Variants in RMST observed in about 807,000 individuals in gnomAD.
RMST encodes the protein rhabdomyosarcoma 2 associated transcript.
rs1879595567 is a variant in RMST at position 97,513,191 on chromosome 12, G to A, written n.1340+17135G>A. On this transcript the variant is annotated intron_variant and non_coding_transcript_variant, in intron 10 of 13. Coordinates refer to ENST00000640149, the Ensembl canonical transcript of RMST. ...CAGCCCAGAAAGGGGCTCCCACAGTGCAGTGGCAGGCTGAAGGGCTCCTCA... is the reference window on the plus strand; with the variant it reads ...CAGCCCAGAAAGGGGCTCCCACAGTACAGTGGCAGGCTGAAGGGCTCCTCA... 2.6e-5 allele frequency among the ~76,000 whole-genome samples: 4 copies of A among 152,220 alleles called. 1 individual carries two copies. In the South Asian group the frequency reaches 8.3e-4, roughly 32 times the overall value.
intron 10 of RMST, among the ~76,000 whole-genome samples, chr12:97,505,653 G>C (rs1466882082): frequency 6.6e-6 from 1 of 152,154 alleles, no homozygotes; most frequent in Non-Finnish European, 1.5e-5. Flanking sequence ...ATAATGGTGT[G>C]GATGGTACAC....
intron 10 of RMST, among the ~76,000 whole-genome samples, chr12:97,521,777 A>AC (rs1880537696): frequency 6.6e-6 from 1 of 152,082 alleles, no homozygotes; most frequent in South Asian, 2.1e-4. Context: ...AGATAATTTT[A>AC]CCCCCCAATA....
At chr12:97,483,777 T>C (rs1263342512) in intron 5 of RMST, among the ~76,000 whole-genome samples, 1 of 152,206 alleles carries the variant, frequency 6.6e-6, no homozygotes, top group Non-Finnish European at 1.5e-5. Context: ...TTCTTGTCAT[T>C]TCACACTTTT....
At chr12:97,512,179 G>C (rs566703981) in intron 10 of RMST, among the ~76,000 whole-genome samples, 3 of 152,214 alleles carry the variant, frequency 2.0e-5, no homozygotes, top group East Asian at 1.9e-4. Context: ...CTTTCGCAGC[G>C]AGTGTTACAG....
chr12:97,483,944 C>T (rs1044830774), intron 5 of RMST, among the ~76,000 whole-genome samples: 2 of 152,110 alleles, frequency 1.3e-5, no homozygotes, highest in African/African-American at 4.8e-5. Flanking sequence ...ACTGTACTGC[C>T]CTTTATATAA....
At chr12:97,541,708 T>G (rs977905235) in intron 11 of RMST, among the ~76,000 whole-genome samples, 1 of 145,832 alleles carries the variant, frequency 6.9e-6, no homozygotes, top group Non-Finnish European at 1.5e-5. Context: ...AATTAGCACA[T>G]GGAGGCAGAT....
chr12:97,554,040 C>T lies in RMST; in HGVS notation n.1546-6497C>T, dbSNP rs1337799189. 4.0e-5 allele frequency among the ~76,000 whole-genome samples: 6 copies of T among 150,790 alleles called. No homozygotes were observed. In the East Asian group the frequency reaches 5.8e-4, roughly 15 times the overall value. ...CATGATCTTAGTTCACTGCAACCTC[C>T]GCCTCCCGGGTTCAAGCGATTCTCC... On this transcript the variant is annotated intron_variant and non_coding_transcript_variant, in intron 11 of 13. Transcript: ENST00000640149.
At chr12:97,502,666 A>C (rs1010028102) in intron 10 of RMST, among the ~76,000 whole-genome samples, 11 of 152,028 alleles carry the variant, frequency 7.2e-5, no homozygotes, top group African/African-American at 2.7e-4. Flanking sequence ...GGTCTCACTA[A>C]GTGCCTAGGT....
At chr12:97,470,395 G>T (rs552353948) in intron 5 of RMST, among the ~76,000 whole-genome samples, 1 of 152,068 alleles carries the variant, frequency 6.6e-6, no homozygotes, top group Non-Finnish European at 1.5e-5. Context: ...GCCTGGCATA[G>T]GGTATGCAGT....
intron 5 of RMST, among the ~76,000 whole-genome samples, chr12:97,469,424 T>C (rs1873627130): frequency 6.6e-6 from 1 of 152,052 alleles, no homozygotes; most frequent in South Asian, 2.1e-4. Context: ...CAATGCTTCC[T>C]GTATTATTTT....
chr12:97,467,840 T>C (rs760719396), intron 5 of RMST, among the ~76,000 whole-genome samples: 15 of 152,028 alleles, frequency 9.9e-5, no homozygotes, highest in Non-Finnish European at 1.9e-4. Context: ...TAAAACCTGG[T>C]TCATTAGAAA....
intron 13 of RMST, among the ~76,000 whole-genome samples, chr12:97,563,047 G>A (rs1884244847): frequency 6.6e-6 from 1 of 152,154 alleles, no homozygotes; most frequent in African/African-American, 2.4e-5. Flanking sequence ...GTTTTCAGTG[G>A]TACAGAGAAT....
chr12:97,537,302 G>T (rs1882148156), intron 11 of RMST, among the ~76,000 whole-genome samples: 1 of 151,170 alleles, frequency 6.6e-6, no homozygotes, highest in South Asian at 2.1e-4. Flanking sequence ...AGGCAGATGT[G>T]AATCAACTTT....
intron 11 of RMST, chr12:97,532,844 T>C (rs150820036): frequency 4.6e-5 from 7 of 151,812 alleles, no homozygotes; most frequent in Non-Finnish European, 8.8e-5. Context: ...CTGCAGGTGA[T>C]TGGGGCTGTA....
chr12:97,481,908 G>A (rs75019997), intron 5 of RMST, among the ~76,000 whole-genome samples: 11,502 of 152,138 alleles, frequency 0.076, 661 homozygotes, highest in Middle Eastern at 0.13. Context: ...CATCCATCTC[G>A]AAACTTCAGC....
intron 5 of RMST, among the ~76,000 whole-genome samples, chr12:97,485,223 A>C (rs1875943732): frequency 6.6e-6 from 1 of 152,204 alleles, no homozygotes; most frequent in South Asian, 2.1e-4. Flanking sequence ...TTTGCATTCC[A>C]TCCATTTCTC....
chr12:97,488,757 C>T (rs748414253), intron 5 of RMST, among the ~76,000 whole-genome samples: 4 of 152,136 alleles, frequency 2.6e-5, no homozygotes, highest in Non-Finnish European at 5.9e-5. Flanking sequence ...CAATCCGTTC[C>T]GTTTTCTTTG....
At chr12:97,544,265 G>A (rs528914055) in intron 11 of RMST, among the ~76,000 whole-genome samples, 1 of 152,142 alleles carries the variant, frequency 6.6e-6, no homozygotes, top group South Asian at 2.1e-4. Flanking sequence ...TATTGTGATG[G>A]AATAATCAGA....
chr12:97,526,135 A>T (rs1483322972), intron 10 of RMST, among the ~76,000 whole-genome samples: 1 of 152,104 alleles, frequency 6.6e-6, no homozygotes, highest in Non-Finnish European at 1.5e-5. Flanking sequence ...ATAATAATAG[A>T]TATAAAGTGC....
Sources: allele counts gnomAD v4.1 joint callset (sites outside exome capture counted in the v4.1 genomes callset), GRCh38; gene constraint gnomAD v4.1.1; transcripts MANE v1.5; gene names NCBI Gene and HGNC (gene_info 2026-07-23, HGNC 2026-07-21).